The following SFMBT1 variants were observed in gnomAD, a reference collection of about 807,000 sequenced individuals.
SFMBT1 encodes the protein scm-like with four MBT domains protein 1.
SFMBT1 carries 32 observed loss-of-function variants against 108.7 expected under a neutral mutation model. The ratio of observed to expected loss-of-function variants is 0.29; its 90% confidence interval spans 0.22 to 0.40. The LOEUF is 0.40. Ranked by LOEUF, SFMBT1 falls within the 10% of genes least tolerant of loss-of-function variation. The probability of loss-of-function intolerance (pLI) is 1.00; values close to 1 mark genes in which losing one functional copy is unlikely to be tolerated. For synonymous variants in SFMBT1, 348 were observed against 369.5 expected, an observed-to-expected ratio of 0.94 and a Z score of 0.67; for missense variants, 816 against 1,059.6, an observed-to-expected ratio of 0.77 and a Z score of 3.19.
chr3:52,987,625 G>C (rs1447663960), intron 1 of SFMBT1, among the ~76,000 whole-genome samples: 1 of 152,196 alleles, frequency 6.6e-6, no homozygotes, highest in African/African-American at 2.4e-5. Context: ...TTTTCTTGGA[G>C]CTCAGAGAAT....
intron 3 of SFMBT1, among the ~76,000 whole-genome samples, chr3:52,946,930 C>G (rs1468312418): frequency 6.6e-6 from 1 of 151,796 alleles, no homozygotes; most frequent in African/African-American, 2.4e-5. Context: ...TGCCACCACA[C>G]CTGGTTGATT....
At chr3:53,009,835 T>C in intron 1 of SFMBT1, among the ~76,000 whole-genome samples, 1 of 152,212 alleles carries the variant, frequency 6.6e-6, no homozygotes, top group Non-Finnish European at 1.5e-5. Flanking sequence ...AGAAAAATTA[T>C]AAGGAAGAGA....
Position 52,920,538 on chromosome 3 carries a change from T to C in SFMBT1, c.1371A>G (p.Arg457=). 6.2e-7 allele frequency: 1 copy of C among 1,610,312 alleles called. No homozygotes were observed. Among genetic ancestry groups the C allele is most frequent in the African/African-American group, 1.3e-5 (1 of 74,854 alleles). The change falls in exon 12 of 21, where the codon CGA becomes CGG. Residue 457 remains arginine, a splice_region_variant and synonymous_variant. Transcript: ENST00000394752. ...GHPLSTPRRA[R]VYKQRKIAVV... ...TCTAACCCAGAAATAGACAGATACC[T>C]CGTGCTCGGCGAGGAGTGCTGAGGG...
intron 1 of SFMBT1, among the ~76,000 whole-genome samples, chr3:52,991,342 C>T (rs112218739): frequency 2.1e-3 from 190 of 91,198 alleles, no homozygotes; most frequent in East Asian, 3.5e-3. Context: ...GCTGAAACTT[C>T]TTTTTTTTTT....
At chr3:52,916,349 G>T in intron 13 of SFMBT1, 135 bp from the exon 14 acceptor site, 23 of 475,580 alleles carry the variant, frequency 4.8e-5, no homozygotes, top group East Asian at 1.2e-4. Context: ...GTACTCCCTT[G>T]ATGATACTTT....
At chr3:52,918,139 A>AT (rs1193826590) in intron 13 of SFMBT1, among the ~76,000 whole-genome samples, 2 of 152,016 alleles carry the variant, frequency 1.3e-5, no homozygotes, top group Admixed American at 6.6e-5. Flanking sequence ...CCCCAGCTTT[A>AT]TTTTTTTCCA....
chr3:52,992,818 G>C, intron 1 of SFMBT1, among the ~76,000 whole-genome samples: 1 of 152,328 alleles, frequency 6.6e-6, no homozygotes, highest in Middle Eastern at 3.4e-3. Flanking sequence ...GGACCCTCTA[G>C]AAGAGCATTT....
At chr3:52,990,232 C>G (rs1429240981) in intron 1 of SFMBT1, among the ~76,000 whole-genome samples, 2 of 152,170 alleles carry the variant, frequency 1.3e-5, no homozygotes, top group East Asian at 3.8e-4. Context: ...TCAGTTTTCT[C>G]TTATAGGATG....
At position 52,975,917 on chromosome 3, in the gene SFMBT1, T is replaced by G. The variant is rs1263634377; in HGVS notation, c.-130-6659A>C. On this transcript the variant is annotated intron_variant, in intron 1 of 20. Coordinates refer to ENST00000394752, the MANE Select transcript of SFMBT1 (RefSeq NM_016329.4). ...AGCCACAACGCAACCAGCCAGGAAG[T>G]TGGGAATTGCTTGAGTCTGAGAGGC... Among the ~76,000 whole-genome samples the G allele has an allele frequency of 2.0e-5, 3 of 151,498 alleles. No homozygotes were observed. In the East Asian group the frequency reaches 5.9e-4, roughly 30 times the overall value.
intron 1 of SFMBT1, among the ~76,000 whole-genome samples, chr3:53,006,612 G>A (rs942764466): frequency 8.2e-5 from 11 of 134,216 alleles, no homozygotes; most frequent in African/African-American, 4.0e-4. Flanking sequence ...CTGGGCGACA[G>A]AGCAAAACTC....
chr3:52,924,040 T>C (rs1015080879), intron 10 of SFMBT1, among the ~76,000 whole-genome samples: 1 of 152,342 alleles, frequency 6.6e-6, no homozygotes. Context: ...AACTTCTTGA[T>C]AGTAACACTA....
chr3:52,906,218 T>A lies in SFMBT1; in HGVS notation c.2355A>T (p.Glu785Asp). The change falls in exon 20 of 21, where the codon GAA becomes GAT. Residue 785 changes from glutamate (E) to aspartate (D), a missense_variant. Glu to Asp is a conservative substitution (Grantham distance 45). Transcript: ENST00000394752. ...AGGGGTTACTGTCCAGGTGAAGCCT[T>A]TCAGCAACTTCGATCCTTATTTCCT... ...SPKEIRIEVAERLHLDSNPLK... is the reference protein window; with the variant it reads ...SPKEIRIEVADRLHLDSNPLK... 1 of 1,614,114 alleles carries A rather than the reference T, an allele frequency of 6.2e-7. No homozygotes were observed. Among genetic ancestry groups the A allele is most frequent in the Non-Finnish European group, 8.5e-7 (1 of 1,179,974 alleles).
chr3:52,951,116 T>TTAAAA (rs1553637526), intron 3 of SFMBT1, among the ~76,000 whole-genome samples: 1 of 81,568 alleles, frequency 1.2e-5, no homozygotes, highest in Non-Finnish European at 2.1e-5. Flanking sequence ...ACTCTTATCT[T>TTAAAA]AAAAAAAAAA....
chr3:52,932,263 T>C lies in SFMBT1; in HGVS notation c.499A>G (p.Arg167Gly), dbSNP rs770402566. 1 of 1,614,224 alleles carries C rather than the reference T, an allele frequency of 6.2e-7. No homozygotes were observed. The highest frequency in any genetic ancestry group is 8.5e-7 in the Non-Finnish European group (1 of 1,180,028). Residue 167 changes from arginine to glycine, a missense_variant, in exon 6 of 21, where the codon AGA (arginine) becomes GGA (glycine). Transcript: ENST00000394752. ...NPLDLIAPGS[R>G]LECQAFQDSL... ...TCCTGGAAAGCTTGACATTCTAGTCTGGATCCTGGAGCAATGAGATCTAAA... is the reference window on the plus strand; with the variant it reads ...TCCTGGAAAGCTTGACATTCTAGTCCGGATCCTGGAGCAATGAGATCTAAA...
At chr3:52,965,959 T>A (rs1163170876) in intron 2 of SFMBT1, among the ~76,000 whole-genome samples, 15 of 93,664 alleles carry the variant, frequency 1.6e-4, no homozygotes, top group African/African-American at 6.5e-4. Flanking sequence ...TGAGCCGAGA[T>A]CCCGCCACTG....
chr3:52,995,560 T>G (rs1698295585), intron 1 of SFMBT1, among the ~76,000 whole-genome samples: 1 of 149,794 alleles, frequency 6.7e-6, no homozygotes, highest in Admixed American at 6.8e-5. Flanking sequence ...CTTGCTAACT[T>G]TGTTTATGTT....
chr3:53,014,952 G>A (rs1699075508), intron 1 of SFMBT1, among the ~76,000 whole-genome samples: 1 of 152,206 alleles, frequency 6.6e-6, no homozygotes, highest in African/African-American at 2.4e-5. Context: ...GGGAGCAGTG[G>A]CTCATGCCTG....
intron 4 of SFMBT1, among the ~76,000 whole-genome samples, chr3:52,936,171 G>A (rs1703002924): frequency 6.6e-6 from 1 of 152,138 alleles, no homozygotes; most frequent in Non-Finnish European, 1.5e-5. Context: ...TAGATGCACT[G>A]ATTCATTACG....
chr3:52,916,934 C>T (rs1702376116), intron 13 of SFMBT1, among the ~76,000 whole-genome samples: 1 of 151,962 alleles, frequency 6.6e-6, no homozygotes, highest in Non-Finnish European at 1.5e-5. Flanking sequence ...TCGTTTTCTT[C>T]GTCCATCAGT....
Sources: allele counts gnomAD v4.1 joint callset (sites outside exome capture counted in the v4.1 genomes callset), GRCh38; gene constraint gnomAD v4.1.1; transcripts MANE v1.5; gene names NCBI Gene and HGNC (gene_info 2026-07-23, HGNC 2026-07-21).